SAMMSON: variants seen among roughly 807,000 people sequenced by gnomAD.
SAMMSON encodes the protein long intergenic non-protein coding RNA 1212.
rs1576104088 is a variant in SAMMSON at position 70,035,681 on chromosome 3, T to C, written n.417+22009T>C. 3.3e-5 allele frequency among the ~76,000 whole-genome samples: 5 copies of C among 152,306 alleles called. No homozygotes were observed. In the South Asian group the frequency reaches 1.0e-3, roughly 32 times the overall value. On this transcript the variant is annotated intron_variant and non_coding_transcript_variant, in intron 3 of 9. Coordinates refer to ENST00000642114, the Ensembl canonical transcript of SAMMSON. ...ATTTATCTATTCTGCTGATTCTGCATTCCAAAAAATTTAGGAGGCAGGCTG... is the reference window on the plus strand; with the variant it reads ...ATTTATCTATTCTGCTGATTCTGCACTCCAAAAAATTTAGGAGGCAGGCTG...
At chr3:70,061,539 C>G (rs1167227754) in intron 3 of SAMMSON, among the ~76,000 whole-genome samples, 1 of 152,104 alleles carries the variant, frequency 6.6e-6, no homozygotes, top group Non-Finnish European at 1.5e-5. Context: ...TGGGCAAAGC[C>G]TGAGCTGAGG....
At chr3:70,322,942 G>A (rs977012073) in intron 7 of SAMMSON, among the ~76,000 whole-genome samples, 1 of 152,050 alleles carries the variant, frequency 6.6e-6, no homozygotes. Flanking sequence ...CAAATTCTAA[G>A]GGGAAAAATG....
intron 7 of SAMMSON, among the ~76,000 whole-genome samples, chr3:70,323,758 T>C (rs1381100185): frequency 1.3e-5 from 2 of 152,144 alleles, no homozygotes; most frequent in Non-Finnish European, 2.9e-5. Context: ...TCTGCTGGCA[T>C]ACCTTATTGT....
intron 4 of SAMMSON, among the ~76,000 whole-genome samples, chr3:70,193,173 G>A (rs1416246437): frequency 6.6e-6 from 1 of 152,112 alleles, no homozygotes; most frequent in Admixed American, 6.6e-5. Context: ...TAATGGCACA[G>A]CTCTGGCCCC....
At chr3:70,188,077 T>C (rs918726711) in intron 4 of SAMMSON, among the ~76,000 whole-genome samples, 3 of 152,186 alleles carry the variant, frequency 2.0e-5, no homozygotes, top group African/African-American at 7.2e-5. Context: ...CTCGTCTCTA[T>C]CTGTCTGCCA....
rs543575607 is a variant in SAMMSON, at chr3:70,386,947, C to T, written n.914-2627C>T. On this transcript the variant is annotated intron_variant and non_coding_transcript_variant, in intron 9 of 9. Coordinates refer to ENST00000642114, the Ensembl canonical transcript of SAMMSON. ...TCCCCATCAGGACTTGGTAATCATT[C>T]CACTATTCATGAACAGATGCCTTGG... Among the ~76,000 whole-genome samples the T allele has an allele frequency of 2.0e-5, 3 of 152,168 alleles. No homozygotes were observed. In the East Asian group the frequency reaches 5.8e-4, roughly 29 times the overall value.
At chr3:70,334,616 A>G (rs1247390990) in intron 7 of SAMMSON, among the ~76,000 whole-genome samples, 1 of 152,034 alleles carries the variant, frequency 6.6e-6, no homozygotes, top group Non-Finnish European at 1.5e-5. Context: ...GCTTAATTGT[A>G]TGTCTGGCAC....
intron 6 of SAMMSON, among the ~76,000 whole-genome samples, chr3:70,269,113 A>G (rs541947127): frequency 6.6e-6 from 1 of 152,212 alleles, no homozygotes; most frequent in Non-Finnish European, 1.5e-5. Flanking sequence ...AAAGAGTGGA[A>G]TAATAATATT....
intron 7 of SAMMSON, among the ~76,000 whole-genome samples, chr3:70,329,759 T>TC (rs1702607557): frequency 6.6e-6 from 1 of 151,980 alleles, no homozygotes; most frequent in African/African-American, 2.4e-5. Context: ...AAAAAAATTT[T>TC]TAAAGGCTTA....
chr3:70,041,658 A>G (rs2067106789), intron 3 of SAMMSON, among the ~76,000 whole-genome samples: 1 of 152,158 alleles, frequency 6.6e-6, no homozygotes, highest in Non-Finnish European at 1.5e-5. Flanking sequence ...ACAATACAAC[A>G]TATTAAAAAT....
chr3:70,434,034 T>C (rs917860456), intron 2 of SAMMSON, among the ~76,000 whole-genome samples: 1 of 152,226 alleles, frequency 6.6e-6, no homozygotes, highest in Non-Finnish European at 1.5e-5. Flanking sequence ...CACACTTTCT[T>C]GATTGACGTA....
intron 4 of SAMMSON, chr3:70,075,067 A>G (rs912188632): frequency 3.3e-5 from 5 of 152,004 alleles, no homozygotes; most frequent in Non-Finnish European, 5.9e-5. Flanking sequence ...AGTTCTTGAG[A>G]TCTATGCCCT....
intron 7 of SAMMSON, among the ~76,000 whole-genome samples, chr3:70,350,595 G>T (rs904015318): frequency 6.6e-6 from 1 of 151,892 alleles, no homozygotes; most frequent in East Asian, 1.9e-4. Flanking sequence ...AAAACTAATT[G>T]TAAATATAAA....
chr3:70,184,681 A>G (rs1206959596), intron 4 of SAMMSON, among the ~76,000 whole-genome samples: 2 of 152,220 alleles, frequency 1.3e-5, no homozygotes, highest in African/African-American at 2.4e-5. Flanking sequence ...AGTAAGGTAA[A>G]TCAGAACAGA....
intron 2 of SAMMSON, among the ~76,000 whole-genome samples, chr3:70,415,162 G>C (rs764360126): frequency 2.0e-5 from 3 of 152,146 alleles, no homozygotes; most frequent in Non-Finnish European, 4.4e-5. Flanking sequence ...ACAAAGGTGA[G>C]TGAAGTGTGG....
intron 4 of SAMMSON, among the ~76,000 whole-genome samples, chr3:70,155,432 T>C (rs139537788): frequency 1.8e-4 from 27 of 152,170 alleles, no homozygotes; most frequent in African/African-American, 5.3e-4. Context: ...ATCCATCTTT[T>C]GCCTCTGTCA....
At chr3:70,051,494 G>A (rs2067146083) in intron 3 of SAMMSON, among the ~76,000 whole-genome samples, 1 of 148,694 alleles carries the variant, frequency 6.7e-6, no homozygotes, top group African/African-American at 2.5e-5. Flanking sequence ...ATAGAATAGG[G>A]GATTGATAAA....
chr3:70,002,414 G>C (rs889185515), intron 1 of SAMMSON, among the ~76,000 whole-genome samples: 2 of 152,078 alleles, frequency 1.3e-5, no homozygotes, highest in African/African-American at 4.8e-5. Context: ...AATTCTCGTT[G>C]AATTTACGAA....
intron 4 of SAMMSON, among the ~76,000 whole-genome samples, chr3:70,190,210 T>A (rs1305288868): frequency 6.6e-6 from 1 of 152,184 alleles, no homozygotes; most frequent in Non-Finnish European, 1.5e-5. Context: ...CTAATGGTCC[T>A]TTTCTAATTT....
Sources: gnomAD v4.1 joint callset for allele counts (sites outside exome capture counted in the v4.1 genomes callset) on GRCh38, gnomAD v4.1.1 for gene constraint, MANE v1.5 for transcripts, NCBI Gene and HGNC (gene_info 2026-07-23, HGNC 2026-07-21) for gene names.